Variants in FUBP3 observed in about 807,000 individuals in gnomAD.
FUBP3 encodes far upstream element binding protein 3.
Under a neutral mutation model 85.6 loss-of-function variants are expected in FUBP3, and 28 were observed. The ratio of observed to expected loss-of-function variants is 0.33; its 90% CI spans 0.24 to 0.45. The LOEUF is 0.45. Ranked by LOEUF, FUBP3 falls within the 20% of genes least tolerant of loss-of-function variation. The pLI is 1.00. For missense variants in FUBP3, 583 were observed against 755.1 expected (o/e 0.77, Z 2.67); for synonymous variants, 271 against 271.4 (o/e 1.00, Z 0.01).
rs768785243 is a variant in FUBP3, at chr9:130,635,092, G to A, written c.1582+354G>A. On this transcript the variant is annotated intron_variant, in intron 17 of 18. Coordinates refer to ENST00000319725, the MANE Select transcript of FUBP3 (RefSeq NM_003934.2). This position sits in a 1 kb window ranked among gnomAD's most constrained non-coding sequence, Gnocchi z 4.3. ...GATTCCGGCTGGGTGCCACCTGGCCGGCAAACAGACCAACCAGACATCTTG... is the reference window on the plus strand; with the variant it reads ...GATTCCGGCTGGGTGCCACCTGGCCAGCAAACAGACCAACCAGACATCTTG... Among the ~76,000 whole-genome samples, 1 of 152,160 alleles carries A rather than the reference G, an allele frequency of 6.6e-6. No homozygotes were observed. The highest frequency in any genetic ancestry group is 1.5e-5 in the Non-Finnish European group (1 of 68,040).
At chr9:130,587,182 A>G (rs145740244) in intron 1 of FUBP3, among the ~76,000 whole-genome samples, 193 of 151,484 alleles carry the variant, frequency 1.3e-3, no homozygotes, top group African/African-American at 4.3e-3. Context: ...CTCCTGCCTC[A>G]GCCTCCCAAG....
rs1035883080 is a variant in FUBP3, at chr9:130,616,143, C to T, written c.405-212C>T. ...GGGGCGGCAAGGCTCTGTGTCACAG[C>T]GTTGGTACTGTGGTGTGTGTTGCTT... On this transcript the variant is annotated intron_variant, in intron 6 of 18. Coordinates refer to ENST00000319725, the MANE Select transcript of FUBP3 (RefSeq NM_003934.2). This position sits in a 1 kb window ranked among gnomAD's most constrained non-coding sequence, Gnocchi z 4.7. Among the ~76,000 whole-genome samples the T allele has an allele frequency of 1.3e-5, 2 of 152,140 alleles. No individual in the cohort carries two copies. Among genetic ancestry groups the T allele is most frequent in the African/African-American group, 4.8e-5 (2 of 41,428 alleles).
At chr9:130,619,676 C>G (rs140204006) in intron 8 of FUBP3, among the ~76,000 whole-genome samples, 1 of 152,288 alleles carries the variant, frequency 6.6e-6, no homozygotes, top group Non-Finnish European at 1.5e-5. Flanking sequence ...TCCTGTGTGG[C>G]TGGTACTGGC....
chr9:130,595,539 C>A lies in FUBP3; in HGVS notation c.141C>A (p.Asp47Glu). The A allele has an allele frequency of 6.3e-7, 1 of 1,593,830 alleles. No homozygotes were observed. The highest frequency in any genetic ancestry group is 8.6e-7 in the Non-Finnish European group (1 of 1,161,522). The change falls in exon 2 of 19, where the codon GAC (aspartate) becomes GAA (glutamate). Residue 47 changes from aspartate (D) to glutamate (E), a missense_variant. Transcript: ENST00000319725. ...TGAATAATTCCACACCTCTAGTGGA[C>A]CCCTCAGTATATGGATACGGAGTAC... Reference protein sequence around the residue: ...PHLNNSTPLVDPSVYGYGVQK... With the variant: ...PHLNNSTPLVEPSVYGYGVQK...
rs377661496 is a variant in FUBP3 at position 130,623,249 on chromosome 9, T to A, written c.875-362T>A. ...ATAAATTTGCCTTAATGAGCAAAATTTTCGACGTGGTCTGAAAAGAGGAAA... is the reference window on the plus strand; with the variant it reads ...ATAAATTTGCCTTAATGAGCAAAATATTCGACGTGGTCTGAAAAGAGGAAA... On this transcript the variant is annotated intron_variant, in intron 10 of 18. Coordinates refer to ENST00000319725, the MANE Select transcript of FUBP3 (RefSeq NM_003934.2). Among the ~76,000 whole-genome samples, 19 of 152,300 alleles carry A rather than the reference T, an allele frequency of 1.2e-4. 2 individuals are homozygous for A. In the South Asian group the frequency reaches 3.7e-3, roughly 30 times the overall value.
At chr9:130,628,442 GA>G (rs1405513681) in intron 12 of FUBP3, among the ~76,000 whole-genome samples, 6 of 152,250 alleles carry the variant, frequency 3.9e-5, no homozygotes, top group African/African-American at 1.4e-4. Flanking sequence ...GCGGGCTGCT[GA>G]ATGAGTCTAT....
chr9:130,589,668 TGTGTGTGTATATATATA>T (rs1830499749), intron 1 of FUBP3, among the ~76,000 whole-genome samples: 2 of 100,778 alleles, frequency 2.0e-5, no homozygotes, highest in African/African-American at 5.0e-5. Flanking sequence ...TATGTATGTA[TGTGTGTGTATATATATA>T]TATATATATA....
At chr9:130,602,323 A>G (rs562486096) in intron 2 of FUBP3, among the ~76,000 whole-genome samples, 1 of 152,268 alleles carries the variant, frequency 6.6e-6, no homozygotes, top group South Asian at 2.1e-4. Flanking sequence ...CGTTCTGTCA[A>G]ATGAATTATT....
chr9:130,602,729 G>C (rs981460198), intron 2 of FUBP3, among the ~76,000 whole-genome samples: 1 of 152,146 alleles, frequency 6.6e-6, no homozygotes, highest in Non-Finnish European at 1.5e-5. Flanking sequence ...AGAGGGAAGA[G>C]GTAAAGTGAG....
intron 2 of FUBP3, among the ~76,000 whole-genome samples, chr9:130,597,561 G>A (rs1195813958): frequency 1.3e-5 from 2 of 152,156 alleles, no homozygotes; most frequent in Non-Finnish European, 2.9e-5. Context: ...AGGTAAACAT[G>A]AACATCACTT....
intron 2 of FUBP3, among the ~76,000 whole-genome samples, chr9:130,603,315 C>A (rs1391039576): frequency 9.8e-5 from 14 of 143,224 alleles, no homozygotes; most frequent in African/African-American, 1.3e-4. Flanking sequence ...TCACTGCACT[C>A]CAGCCTGGGC....
intron 1 of FUBP3, chr9:130,581,664 A>C (rs930993244): frequency 2.6e-5 from 4 of 152,200 alleles, no homozygotes; most frequent in African/African-American, 9.7e-5. Context: ...TCTTTGTTAT[A>C]TACACAGCAT....
chr9:130,629,395 G>A (rs751980731), intron 12 of FUBP3, among the ~76,000 whole-genome samples: 1 of 152,172 alleles, frequency 6.6e-6, no homozygotes, highest in Non-Finnish European at 1.5e-5. Flanking sequence ...TTCTGCATGC[G>A]ACCTTATCTG....
intron 8 of FUBP3, among the ~76,000 whole-genome samples, chr9:130,619,865 G>A (rs1245273649): frequency 6.6e-6 from 1 of 152,138 alleles, no homozygotes; most frequent in East Asian, 1.9e-4. Context: ...AATGTGTTTG[G>A]CTTTCAGCCT....
In FUBP3 at chr9:130,606,831, A is replaced by C. The variant is rs544515590; in HGVS notation, c.191-3123A>C. On this transcript the variant is annotated intron_variant, in intron 2 of 18. Transcript: ENST00000319725. ...GCGAGACTCTGTCTCAGGAAAAAAA[A>C]AAAGCTGATGTGTATTGCAAAGTTG... Among the ~76,000 whole-genome samples the C allele has an allele frequency of 3.9e-5, 6 of 152,228 alleles. No individual in the cohort carries two copies. In the South Asian group the frequency reaches 1.2e-3, roughly 32 times the overall value.
chr9:130,632,198 A>C lies in FUBP3; in HGVS notation c.1434-4A>C. Reference sequence around the variant, plus strand: ...GGAACGAGTGACCCTCTTGTTATCCACAGTGGTCCTCCGGCCTTTCTGACC... The same window carrying C: ...GGAACGAGTGACCCTCTTGTTATCCCCAGTGGTCCTCCGGCCTTTCTGACC... On this transcript the variant is annotated splice_region_variant and splice_polypyrimidine_tract_variant and intron_variant, in intron 15 of 18. Coordinates refer to ENST00000319725, the MANE Select transcript of FUBP3 (RefSeq NM_003934.2). 1.9e-6 allele frequency: 3 copies of C among 1,613,068 alleles called. No homozygotes were observed. The highest frequency in any genetic ancestry group is 2.5e-6 in the Non-Finnish European group (3 of 1,179,032).
intron 12 of FUBP3, among the ~76,000 whole-genome samples, chr9:130,627,614 T>C (rs57075478): frequency 0.23 from 34,995 of 152,120 alleles, 4,807 homozygotes; most frequent in African/African-American, 0.39. Context: ...AGAGTTGGTA[T>C]GGGTTCGTGT....
rs1564231507 is a variant in FUBP3, at chr9:130,635,800, A to C, written c.1583-199A>C. The C allele has an allele frequency of 3.4e-6, 2 of 590,660 alleles. No homozygotes were observed. Among genetic ancestry groups the C allele is most frequent in the Non-Finnish European group, 6.0e-6 (2 of 333,916 alleles). 36.6% of individuals were successfully genotyped at this position (590,660 alleles called of 1,614,324 possible). A position where few individuals can be genotyped will look rare whatever the true frequency, so the allele number is the denominator to read the frequency against. On this transcript the variant is annotated intron_variant, in intron 17 of 18. Transcript: ENST00000319725. This position sits in a 1 kb window ranked among gnomAD's most constrained non-coding sequence, Gnocchi z 4.3. ...CGTGAGGATTGGTCTTCACAGGCATAGCAGGGGCCGGGCAACAAGAGGCTA... is the reference window on the plus strand; with the variant it reads ...CGTGAGGATTGGTCTTCACAGGCATCGCAGGGGCCGGGCAACAAGAGGCTA...
rs548140312 is a variant in FUBP3 at position 130,604,035 on chromosome 9, G to A, written c.191-5919G>A. Among the ~76,000 whole-genome samples the A allele has an allele frequency of 1.0e-3, 154 of 152,296 alleles. 1 individual carries two copies. Among genetic ancestry groups the A allele is most frequent in the South Asian group, 2.3e-3 (11 of 4,832 alleles). Reference sequence around the variant, plus strand: ...GTTCTGCTTGCGATACAGCCATACCGTGGAATATCACTCAGCGGTAAAACG... The same window carrying A: ...GTTCTGCTTGCGATACAGCCATACCATGGAATATCACTCAGCGGTAAAACG... On this transcript the variant is annotated intron_variant, in intron 2 of 18. Transcript: ENST00000319725.
Sources: gnomAD v4.1 joint callset for allele counts (sites outside exome capture counted in the v4.1 genomes callset) on GRCh38, gnomAD v4.1.1 for gene constraint, Gnocchi (gnomAD v3.1) non-coding constraint, MANE v1.5 for transcripts, NCBI Gene and HGNC (gene_info 2026-07-23, HGNC 2026-07-21) for gene names.